CTLA4: variants seen among roughly 807,000 people sequenced by gnomAD.
CTLA4 encodes cytotoxic T-lymphocyte protein 4.
CTLA4 carries 3 observed loss-of-function variants against 20.4 expected under a neutral mutation model. The ratio of observed to expected loss-of-function variants is 0.15; its 90% CI spans 0.07 to 0.38. The LOEUF (loss-of-function observed/expected upper bound fraction) is 0.38. Among genes scored for constraint, CTLA4 ranks in the 10% least tolerant of loss-of-function variants. CTLA4 has a pLI of 1.00. For synonymous variants in CTLA4, 100 were observed against 105.2 expected, an observed-to-expected ratio of 0.95 and a Z score of 0.30; for missense variants, 184 against 276.8, an observed-to-expected ratio of 0.66 and a Z score of 2.38.
At position 203,870,848 on chromosome 2, in the gene CTLA4, G is replaced by C; in HGVS notation, c.372G>C (p.Thr124=). 1 of 1,614,188 alleles carries C rather than the reference G, an allele frequency of 6.2e-7. No individual in the cohort carries two copies. Among genetic ancestry groups the C allele is most frequent in the Non-Finnish European group, 8.5e-7 (1 of 1,180,028 alleles). ...TCCAAGGACTGAGGGCCATGGACAC[G>C]GGACTCTACATCTGCAAGGTGGAGC... The part of the protein sequence containing the change: ...LTIQGLRAMD[T]GLYICKVELM... The change falls in exon 2 of 4, where the codon ACG becomes ACC. Residue 124 remains threonine (T), a synonymous_variant. Transcript: ENST00000648405. The surrounding 1 kb of genome is among the most constrained non-coding windows in gnomAD (Gnocchi z 5.3).
intron 3 of CTLA4, 85 bp downstream of exon 3, chr2:203,871,572 T>G (rs1417103297): frequency 1.9e-6 from 2 of 1,080,804 alleles, no homozygotes; most frequent in Non-Finnish European, 2.9e-6. Context: ...TTGAGTTTAG[T>G]GTTCTTGAGA....
rs1440097102 is a variant in CTLA4 at position 203,872,724 on chromosome 2, C to T, written c.584C>T (p.Pro195Leu). Residue 195 changes from proline (P) to leucine (L), a missense_variant, in exon 4 of 4, where the codon CCT (proline) becomes CTT (leucine). By Grantham distance (98) the Pro-to-Leu change is moderately conservative. Around this residue, in one of 3 missense-constraint regions of CTLA4, gnomAD observed 147 missense variants for 223.4 expected, o/e 0.66. Coordinates refer to ENST00000648405, the MANE Select transcript of CTLA4 (RefSeq NM_005214.5). ...SLSKMLKKRSPLTTGVYVKMP... is the reference protein window; with the variant it reads ...SLSKMLKKRSLLTTGVYVKMP... ...GTTTGACAGCTAAAGAAAAGAAGCC[C>T]TCTTACAACAGGGGTCTATGTGAAA... is the stretch of plus-strand genomic sequence containing the variant. 1.9e-6 allele frequency: 3 copies of T among 1,611,094 alleles called. No homozygotes were observed. The South Asian group carries it at 3.3e-5, about 18-fold the overall frequency.
At chr2:203,871,288 C>A in intron 2 of CTLA4, 90 bp from the exon 3 acceptor site, 2 of 1,151,770 alleles carry the variant, frequency 1.7e-6, no homozygotes, top group Non-Finnish European at 2.6e-6. Flanking sequence ...GGCCTGGAAG[C>A]TCTAATGTCC....
rs1278638729 is a variant in CTLA4 at position 203,872,759 on chromosome 2, A to G, written c.619A>G (p.Thr207Ala). 1.2e-5 allele frequency: 19 copies of G among 1,613,812 alleles called. No homozygotes were observed. The highest frequency in any genetic ancestry group is 1.4e-5 in the Non-Finnish European group (17 of 1,179,792). ...TTGVYVKMPP[T>A]EPECEKQFQP... ...AGGGGTCTATGTGAAAATGCCCCCA[A>G]CAGAGCCAGAATGTGAAAAGCAATT... Residue 207 changes from threonine to alanine, a missense_variant, in exon 4 of 4, where the codon ACA becomes GCA. Physicochemically the swap from Thr to Ala is moderately conservative, Grantham distance 58. Coordinates refer to ENST00000648405, the MANE Select transcript of CTLA4 (RefSeq NM_005214.5).
Position 203,870,986 on chromosome 2 carries a change from G to C in CTLA4, c.457+53G>C. 1 of 1,408,366 alleles carries C rather than the reference G, an allele frequency of 7.1e-7. No homozygotes were observed. The highest frequency in any genetic ancestry group is 9.8e-7 in the Non-Finnish European group (1 of 1,016,276). 87.2% of individuals were successfully genotyped at this position (1,408,366 alleles called of 1,614,324 possible). A position where few individuals can be genotyped will look rare whatever the true frequency, so the allele number is the denominator to read the frequency against. ...CACCTGTTGCATTGCAGTCTTCTAT[G>C]CACAAAAACAGTTTTGTTCCTTAAT... On this transcript the variant is annotated intron_variant, in intron 2 of 3. Transcript: ENST00000648405. The surrounding 1 kb of genome is among the most constrained non-coding windows in gnomAD (Gnocchi z 5.3).
rs776742340 is a variant in CTLA4, at chr2:203,870,126, A to G, written c.110-460A>G. 9 of 168,424 alleles carry G rather than the reference A, an allele frequency of 5.3e-5. No homozygotes were observed. The highest frequency in any genetic ancestry group is 3.0e-4 in the South Asian group (2 of 6,608). 10.4% of individuals were successfully genotyped at this position (168,424 alleles called of 1,614,324 possible). A position where few individuals can be genotyped will look rare whatever the true frequency, so the allele number is the denominator to read the frequency against. On this transcript the variant is annotated intron_variant, in intron 1 of 3. Coordinates refer to ENST00000648405, the MANE Select transcript of CTLA4 (RefSeq NM_005214.5). This position sits in a 1 kb window ranked among gnomAD's most constrained non-coding sequence, Gnocchi z 5.3. ...AGATAAAGCAAGATTCTGTACCTCAACCTTCAGAATTTCCCCTACCACTCA... is the reference window on the plus strand; with the variant it reads ...AGATAAAGCAAGATTCTGTACCTCAGCCTTCAGAATTTCCCCTACCACTCA...
chr2:203,871,566 G>C (rs998595380), intron 3 of CTLA4, 79 bp downstream of exon 3: 2 of 1,131,712 alleles, frequency 1.8e-6, no homozygotes, highest in Non-Finnish European at 2.7e-6. Flanking sequence ...ATGATGTTGA[G>C]TTTAGTGTTC....
At position 203,872,933 on chromosome 2, in the gene CTLA4, A is replaced by G; in HGVS notation, c.*121A>G. ...ATTTGGGGGGAATTCATCTCTCTTT[A>G]ATATAAAGTTGGATGCGGAACCCAA... is the stretch of plus-strand genomic sequence containing the variant. On this transcript the variant is annotated 3_prime_UTR_variant, in exon 4 of 4. Coordinates refer to ENST00000648405, the MANE Select transcript of CTLA4 (RefSeq NM_005214.5). 1.5e-6 allele frequency: 1 copy of G among 686,480 alleles called. No homozygotes were observed. The highest frequency in any genetic ancestry group is 2.5e-6 in the Non-Finnish European group (1 of 396,262). The allele number at this position is 686,480 out of a possible 1,614,324, so 42.5% of individuals were successfully genotyped here. A position where few individuals can be genotyped will look rare whatever the true frequency, so the allele number is the denominator to read the frequency against.
At position 203,873,409 on chromosome 2, in the gene CTLA4, A is replaced by G. The variant is rs1235863474; in HGVS notation, c.*597A>G. 6 of 221,930 alleles carry G rather than the reference A, an allele frequency of 2.7e-5. No individual in the cohort carries two copies. Among genetic ancestry groups the G allele is most frequent in the Non-Finnish European group, 5.2e-5 (6 of 115,856 alleles). The allele number at this position is 221,930 out of a possible 1,614,324, so 13.7% of individuals were successfully genotyped here. A position where few individuals can be genotyped will look rare whatever the true frequency, so the allele number is the denominator to read the frequency against. On this transcript the variant is annotated 3_prime_UTR_variant, in exon 4 of 4. Transcript: ENST00000648405. ...TTTAATTTGATAGTATTGTGCATAGAGCCACGTATGTTTTTGTGTATTTGT... is the reference window on the plus strand; with the variant it reads ...TTTAATTTGATAGTATTGTGCATAGGGCCACGTATGTTTTTGTGTATTTGT...
Position 203,872,664 on chromosome 2 carries a change from C to T in CTLA4, c.568-44C>T, listed in dbSNP as rs530261738. On this transcript the variant is annotated intron_variant, in intron 3 of 3. Coordinates refer to ENST00000648405, the MANE Select transcript of CTLA4 (RefSeq NM_005214.5). Reference sequence around the variant, plus strand: ...TTCTATTATGGTTAGAAGTGGCTTCCGTATTCCTCAGTAGTAATTACTGTT... The same window carrying T: ...TTCTATTATGGTTAGAAGTGGCTTCTGTATTCCTCAGTAGTAATTACTGTT... 3.7e-5 allele frequency: 46 copies of T among 1,252,608 alleles called. No individual in the cohort carries two copies. In the East Asian group the frequency reaches 7.4e-4, roughly 20 times the overall value. The allele number at this position is 1,252,608 out of a possible 1,614,324, so 77.6% of individuals were successfully genotyped here.
intron 3 of CTLA4, 50 bp downstream of exon 3, chr2:203,871,537 G>C: frequency 7.3e-7 from 1 of 1,364,036 alleles, no homozygotes; most frequent in Non-Finnish European, 1.0e-6. Context: ...TACCTTTAGT[G>C]GTATCAACTG....
intron 1 of CTLA4, among the ~76,000 whole-genome samples, 198 bp downstream of exon 1, chr2:203,868,249 C>T (rs1165128155): frequency 6.6e-6 from 1 of 152,150 alleles, no homozygotes; most frequent in African/African-American, 2.4e-5. Flanking sequence ...AGAGATAGCT[C>T]AGAACAGAGC....
rs60872763 is a variant in CTLA4, at chr2:203,873,327, CATATATATATATATATATATATAT to C, written c.*548_*571del. 0.13 allele frequency: 22,741 copies of C among 180,208 alleles called. 2,079 individuals carry two copies. The highest frequency in any genetic ancestry group is 0.19 in the Admixed American group (2,654 of 14,122). 11.2% of individuals were successfully genotyped at this position (180,208 alleles called of 1,614,324 possible). A position where few individuals can be genotyped will look rare whatever the true frequency, so the allele number is the denominator to read the frequency against. On this transcript the variant is annotated 3_prime_UTR_variant, in exon 4 of 4. Transcript: ENST00000648405. ...TGCTAAAGGTTGTATTGCATATATA[CATATATATATATATATATATATAT>C]ATATATATATATATATATATATATA...
At position 203,870,689 on chromosome 2, in the gene CTLA4, G is replaced by A. The variant is rs1688713996; in HGVS notation, c.213G>A (p.Val71=). ...CAGGCAAAGCCACTGAGGTCCGGGT[G>A]ACAGTGCTTCGGCAGGCTGACAGCC... is the stretch of plus-strand genomic sequence containing the variant. ...ASPGKATEVR[V]TVLRQADSQV... Residue 71 remains valine, a synonymous_variant, in exon 2 of 4, where the codon GTG becomes GTA. Transcript: ENST00000648405. The surrounding 1 kb of genome is among the most constrained non-coding windows in gnomAD (Gnocchi z 5.3). 1 of 1,614,240 alleles carries A rather than the reference G, an allele frequency of 6.2e-7. No individual in the cohort carries two copies. The highest frequency in any genetic ancestry group is 8.5e-7 in the Non-Finnish European group (1 of 1,180,044).
intron 3 of CTLA4, among the ~76,000 whole-genome samples, chr2:203,871,898 C>T (rs1688741285): frequency 6.6e-6 from 1 of 152,184 alleles, no homozygotes; most frequent in African/African-American, 2.4e-5. Flanking sequence ...CTCTCCATCA[C>T]CTGGAAGTCA....
intron 1 of CTLA4, among the ~76,000 whole-genome samples, chr2:203,868,461 G>GT (rs374743192): frequency 3.3e-5 from 5 of 152,184 alleles, no homozygotes; most frequent in African/African-American, 1.2e-4. Context: ...CCTGGGAAGA[G>GT]TTTTTTTGCT....
At position 203,873,305 on chromosome 2, in the gene CTLA4, T is replaced by G. The variant is rs1581575423; in HGVS notation, c.*493T>G. On this transcript the variant is annotated 3_prime_UTR_variant, in exon 4 of 4. Coordinates refer to ENST00000648405, the MANE Select transcript of CTLA4 (RefSeq NM_005214.5). The stretch of plus-strand genomic sequence containing the variant: ...ATGGCTATGTTTTAGCCAGTGATGC[T>G]AAAGGTTGTATTGCATATATACATA... 1 of 290,988 alleles carries G rather than the reference T, an allele frequency of 3.4e-6. No homozygotes were observed. The highest frequency in any genetic ancestry group is 4.6e-5 in the East Asian group (1 of 21,626). 18.0% of individuals were successfully genotyped at this position (290,988 alleles called of 1,614,324 possible).
At chr2:203,872,631 G>A (rs1688754020) in intron 3 of CTLA4, 77 bp from the exon 4 acceptor site, 1 of 825,910 alleles carries the variant, frequency 1.2e-6, no homozygotes, top group Non-Finnish European at 2.1e-6. Context: ...GACCCAATAT[G>A]TGTTGAGTTC....
At chr2:203,868,825 C>A (rs1378601355) in intron 1 of CTLA4, among the ~76,000 whole-genome samples, 4 of 152,102 alleles carry the variant, frequency 2.6e-5, no homozygotes, top group African/African-American at 9.7e-5. Context: ...ATGAGTATAT[C>A]CATTGAATCT....
Sources: allele counts gnomAD v4.1 joint callset (sites outside exome capture counted in the v4.1 genomes callset), GRCh38; gene constraint gnomAD v4.1.1; regional missense constraint gnomAD v4.1.1; non-coding constraint Gnocchi (gnomAD v3.1); transcripts MANE v1.5; gene names NCBI Gene and HGNC (gene_info 2026-07-23, HGNC 2026-07-21).